The following TOR1AIP2 variants were observed in gnomAD, a reference collection of about 807,000 sequenced individuals.
TOR1AIP2 encodes torsin 1A interacting protein 2.
TOR1AIP2 carries 20 observed loss-of-function variants against 32.6 expected under a neutral mutation model. The observed-to-expected ratio is 0.61, with a 90% confidence interval of 0.43 to 0.89. The LOEUF (loss-of-function observed/expected upper bound fraction) is 0.89, where lower values mean the gene tolerates loss of function less well. Ranked by LOEUF, TOR1AIP2 falls within the 40% of genes least tolerant of loss-of-function variation. The pLI, the probability that TOR1AIP2 is intolerant of heterozygous loss-of-function variation, is 0.00. For synonymous variants in TOR1AIP2, 214 were observed against 210.8 expected (o/e 1.02, Z -0.13); for missense variants, 456 against 553.8 (o/e 0.82, Z 1.77).
At chr1:179,865,404 C>T (rs1191184319) in intron 3 of TOR1AIP2, 32 bp downstream of exon 3, 9 of 546,468 alleles carry the variant, frequency 1.6e-5, no homozygotes, top group Middle Eastern at 4.6e-4. Context: ...ACTCAGGGAC[C>T]GATCCAGTTT....
At chr1:179,859,692 G>T (rs1696442500) in intron 3 of TOR1AIP2, 1 of 985,260 alleles carries the variant, frequency 1.0e-6, no homozygotes, top group South Asian at 4.7e-5. Context: ...CCTAAACATT[G>T]TGACAAAAAT....
intron 3 of TOR1AIP2, chr1:179,861,805 G>C: frequency 1.0e-6 from 1 of 983,884 alleles, no homozygotes; most frequent in Non-Finnish European, 1.2e-6. Context: ...ATTTCTCAAA[G>C]TATGGTCTAG....
chr1:179,857,686 C>T (rs1696358005), intron 3 of TOR1AIP2, among the ~76,000 whole-genome samples: 1 of 152,154 alleles, frequency 6.6e-6, no homozygotes, highest in African/African-American at 2.4e-5. Flanking sequence ...ATATTAAGTG[C>T]TATAAGGCTA....
rs542421592 is a variant in TOR1AIP2, at chr1:179,852,796, G to A, written c.-131C>T. ...TGCTTCCCATGGACCCAGGAAATAA[G>A]GCATATATACAGTGACTAAAACAAA... On this transcript the variant is annotated 5_prime_UTR_variant, in exon 4 of 7. Transcript: ENST00000609928. The A allele has an allele frequency of 4.0e-5, 61 of 1,535,754 alleles. No individual in the cohort carries two copies. The South Asian group carries it at 7.0e-4, about 18-fold the overall frequency.
chr1:179,865,335 C>A, intron 3 of TOR1AIP2, 101 bp downstream of exon 3: 1 of 870,772 alleles, frequency 1.1e-6, no homozygotes, highest in East Asian at 2.6e-5. Flanking sequence ...CTTGCACCTC[C>A]GTGCAATTCT....
At chr1:179,864,766 T>G in intron 3 of TOR1AIP2, 1 of 1,562,350 alleles carries the variant, frequency 6.4e-7, no homozygotes. Flanking sequence ...TTGACAATTT[T>G]GACTATTATA....
chr1:179,872,512 C>G (rs754511612), intron 2 of TOR1AIP2, among the ~76,000 whole-genome samples: 1 of 152,182 alleles, frequency 6.6e-6, no homozygotes, highest in African/African-American at 2.4e-5. Context: ...TCTGTATTTT[C>G]ACTAACTGGT....
chr1:179,844,440 T>C lies in TOR1AIP2; in HGVS notation c.*1631A>G, dbSNP rs1695825348. 1 of 152,234 alleles carries C rather than the reference T, an allele frequency of 6.6e-6. No homozygotes were observed. The highest frequency in any genetic ancestry group is 1.5e-5 in the Non-Finnish European group (1 of 68,044). The allele number at this position is 152,234 out of a possible 1,614,324, so 9.4% of individuals were successfully genotyped here. On this transcript the variant is annotated 3_prime_UTR_variant, in exon 7 of 7. Coordinates refer to ENST00000609928, the MANE Select transcript of TOR1AIP2 (RefSeq NM_001199260.2). ...ATCAGACTTCTTAGCTATATACATA[T>C]GATCTCATATAATGGAGAGGCCAAA...
chr1:179,872,615 G>C (rs1697053215), intron 2 of TOR1AIP2, among the ~76,000 whole-genome samples: 1 of 152,134 alleles, frequency 6.6e-6, no homozygotes, highest in African/African-American at 2.4e-5. Context: ...TTTTACACAG[G>C]AATTGAATGC....
At chr1:179,864,282 T>TC in intron 3 of TOR1AIP2, 1 of 984,526 alleles carries the variant, frequency 1.0e-6, no homozygotes, top group Non-Finnish European at 1.2e-6. Context: ...TCTATCTATT[T>TC]ATATATATAT....
At chr1:179,865,320 C>A in intron 3 of TOR1AIP2, 116 bp downstream of exon 3, 1 of 1,107,792 alleles carries the variant, frequency 9.0e-7, no homozygotes, top group South Asian at 1.7e-5. Context: ...GCCAAATAAA[C>A]TTGGCTTGCA....
At chr1:179,863,656 CTG>C (rs1696644763) in intron 3 of TOR1AIP2, 1 of 953,888 alleles carries the variant, frequency 1.0e-6, no homozygotes, top group Admixed American at 8.7e-5. Context: ...CAGCAAGACT[CTG>C]TCACTATTTT....
chr1:179,859,869 C>T (rs906725399), intron 3 of TOR1AIP2: 32 of 981,020 alleles, frequency 3.3e-5, no homozygotes, highest in Middle Eastern at 5.2e-4. Flanking sequence ...ACTCTGTTGC[C>T]CAGGCTGGAG....
At chr1:179,877,410 G>A (rs1212974425) in intron 1 of TOR1AIP2, 37 bp from the exon 2 acceptor site, 1 of 152,174 alleles carries the variant, frequency 6.6e-6, no homozygotes, top group Non-Finnish European at 1.5e-5. Flanking sequence ...AGTAGGGCAT[G>A]GTGGTGCGGG....
chr1:179,861,476 G>C (rs112405144), intron 3 of TOR1AIP2: 252 of 984,034 alleles, frequency 2.6e-4, no homozygotes, highest in Non-Finnish European at 2.9e-4. Flanking sequence ...TGTGATGTTT[G>C]AAGGCAAAGT....
intron 5 of TOR1AIP2, 134 bp from the exon 6 acceptor site, chr1:179,847,770 A>G: frequency 1.6e-6 from 1 of 636,596 alleles, no homozygotes; most frequent in Non-Finnish European, 2.8e-6. Context: ...ACGGTGGCTC[A>G]TGCCTGTAAT....
intron 5 of TOR1AIP2, among the ~76,000 whole-genome samples, chr1:179,848,974 CA>C (rs369296501): frequency 8.1e-4 from 116 of 143,778 alleles, no homozygotes; most frequent in Admixed American, 1.5e-3. Flanking sequence ...ACTAAAAATA[CA>C]AAAAAAAAAA....
chr1:179,851,463 C>A, intron 4 of TOR1AIP2, 100 bp from the exon 5 acceptor site: 1 of 970,212 alleles, frequency 1.0e-6, no homozygotes, highest in South Asian at 2.3e-5. Flanking sequence ...CATAGATTTT[C>A]ATGGTTTACA....
At chr1:179,870,944 C>A (rs535202632) in intron 2 of TOR1AIP2, among the ~76,000 whole-genome samples, 1 of 152,320 alleles carries the variant, frequency 6.6e-6, no homozygotes, top group East Asian at 1.9e-4. Context: ...ATTTGAGGAG[C>A]GCACCATGTG....
Sources: allele counts gnomAD v4.1 joint callset (sites outside exome capture counted in the v4.1 genomes callset), GRCh38; gene constraint gnomAD v4.1.1; transcripts MANE v1.5; gene names NCBI Gene and HGNC (gene_info 2026-07-23, HGNC 2026-07-21).